LARP6: variants seen among roughly 807,000 people sequenced by gnomAD.
LARP6 encodes La ribonucleoprotein 6, translational regulator.
LARP6 carries 18 observed loss-of-function variants against 32.8 expected under a neutral mutation model. The ratio of observed to expected loss-of-function variants is 0.55; its 90% confidence interval spans 0.38 to 0.81. LARP6 has a LOEUF of 0.81. LARP6 is among the 40% of genes least tolerant of loss of function. The pLI, the probability that LARP6 is intolerant of heterozygous loss-of-function variation, is 0.00. For missense variants in LARP6, 598 were observed against 663.1 expected (o/e 0.90, Z 1.08); for synonymous variants, 289 against 267.2 (o/e 1.08, Z -0.80).
intron 1 of LARP6, chr15:70,852,331 T>C (rs1173218129): frequency 8.8e-6 from 4 of 454,504 alleles, no homozygotes; most frequent in African/African-American, 8.0e-5. Context: ...AGCTGGGCAG[T>C]TCTGGAGGAA....
chr15:70,832,241 G>A lies in LARP6; in HGVS notation c.1287C>T (p.Gly429=), dbSNP rs1475674366. 1 of 1,614,056 alleles carries A rather than the reference G, an allele frequency of 6.2e-7. No homozygotes were observed. Among genetic ancestry groups the A allele is most frequent in the Non-Finnish European group, 8.5e-7 (1 of 1,180,028 alleles). ...GGCGACGCCTCCGGACCCAGGGGCT[G>A]CCAGAGGGAGTGACGCTGCTGTCAG... ...YSSDSSVTPS[G]SPWVRRRRQA... is the part of the protein sequence containing the mutation. Residue 429 remains glycine (G), a synonymous_variant, in exon 3 of 3, where the codon GGC becomes GGT. Coordinates refer to ENST00000299213, the MANE Select transcript of LARP6 (RefSeq NM_018357.4).
At chr15:70,833,215 C>G (rs889697500) in intron 2 of LARP6, 99 bp from the exon 3 acceptor site, 64 of 920,172 alleles carry the variant, frequency 7.0e-5, no homozygotes, top group Middle Eastern at 2.5e-4. Flanking sequence ...CCCTGTAACA[C>G]TAGAATCCCT....
intron 2 of LARP6, among the ~76,000 whole-genome samples, chr15:70,835,863 T>C (rs1310365843): frequency 6.6e-6 from 1 of 152,224 alleles, no homozygotes; most frequent in Non-Finnish European, 1.5e-5. Context: ...GGCTCATTTC[T>C]GAGAGTTCTG....
chr15:70,836,171 G>T, intron 2 of LARP6, 124 bp downstream of exon 2: 1 of 741,948 alleles, frequency 1.3e-6, no homozygotes, highest in Admixed American at 2.6e-5. Context: ...CTCTTTTTCA[G>T]GCACAGACTT....
At position 70,829,318 on chromosome 15, in the gene LARP6, T is replaced by A. The variant is rs2031999361; in HGVS notation, c.*2734A>T. 6.6e-6 allele frequency: 1 copy of A among 152,136 alleles called. No homozygotes were observed. The highest frequency in any genetic ancestry group is 2.1e-4 in the South Asian group (1 of 4,836). The allele number at this position is 152,136 out of a possible 1,614,324, so 9.4% of individuals were successfully genotyped here. A position where few individuals can be genotyped will look rare whatever the true frequency, so the allele number is the denominator to read the frequency against. On this transcript the variant is annotated 3_prime_UTR_variant, in exon 3 of 3. Coordinates refer to ENST00000299213, the MANE Select transcript of LARP6 (RefSeq NM_018357.4). Reference sequence around the variant, plus strand: ...CATGCCCGGCTAATTTTTTTGTATTTTTAGTAGAGACAGGGTTTTACCACA... The same window carrying A: ...CATGCCCGGCTAATTTTTTTGTATTATTAGTAGAGACAGGGTTTTACCACA...
intron 1 of LARP6, among the ~76,000 whole-genome samples, chr15:70,838,425 T>C (rs1029922285): frequency 1.3e-5 from 2 of 152,224 alleles, no homozygotes; most frequent in African/African-American, 4.8e-5. Flanking sequence ...GAGGCAGATC[T>C]AGGATTTAAA....
At chr15:70,840,148 T>C (rs1307572801) in intron 1 of LARP6, among the ~76,000 whole-genome samples, 1 of 152,110 alleles carries the variant, frequency 6.6e-6, no homozygotes, top group Non-Finnish European at 1.5e-5. Context: ...AGGGAAAACA[T>C]CAGTGGGACA....
At chr15:70,842,816 A>G (rs988841009) in intron 1 of LARP6, among the ~76,000 whole-genome samples, 4 of 152,154 alleles carry the variant, frequency 2.6e-5, no homozygotes, top group South Asian at 2.1e-4. Context: ...ATAAACCCCT[A>G]TACGAGTGCA....
chr15:70,851,321 T>G lies in LARP6; in HGVS notation c.200+2568A>C, dbSNP rs745866785. The G allele has an allele frequency of 9.3e-6, 4 of 428,470 alleles. No individual in the cohort carries two copies. In the East Asian group the frequency reaches 3.0e-4, roughly 32 times the overall value. The allele number at this position is 428,470 out of a possible 1,614,324, so 26.5% of individuals were successfully genotyped here. ...GGGTATATGAATGCTCATAGTACTA[T>G]TTTTTCATATTTTCTTTATGTTTGA... On this transcript the variant is annotated intron_variant, in intron 1 of 2. Transcript: ENST00000299213.
rs1282346810 is a variant in LARP6, at chr15:70,841,975, CT to C, written c.201-5471del. On this transcript the variant is annotated intron_variant, in intron 1 of 2. Transcript: ENST00000299213. ...CACCTTCTTCTTGATACTCTCCCCC[CT>C]GGGCTTATGTGACTTACTCTTTTCT... is the stretch of plus-strand genomic sequence containing the variant. Among the ~76,000 whole-genome samples the C allele has an allele frequency of 3.5e-4, 54 of 152,178 alleles. 2 individuals carry two copies. Among genetic ancestry groups the C allele is most frequent in the Admixed American group, 3.5e-3 (53 of 15,278 alleles).
intron 1 of LARP6, among the ~76,000 whole-genome samples, chr15:70,842,726 C>T (rs2032279583): frequency 6.6e-6 from 1 of 152,128 alleles, no homozygotes; most frequent in South Asian, 2.1e-4. Flanking sequence ...GGTGACTCTG[C>T]ATCAATTATT....
At chr15:70,839,214 G>A (rs984979132) in intron 1 of LARP6, among the ~76,000 whole-genome samples, 5 of 152,062 alleles carry the variant, frequency 3.3e-5, no homozygotes, top group African/African-American at 7.2e-5. Context: ...TGAGGTGGGC[G>A]GACGACTTGA....
chr15:70,844,220 G>A (rs1362384238), intron 1 of LARP6, among the ~76,000 whole-genome samples: 1 of 152,198 alleles, frequency 6.6e-6, no homozygotes, highest in African/African-American at 2.4e-5. Flanking sequence ...GCCTCCCAAT[G>A]TGCTGGGATT....
In LARP6 at chr15:70,832,421, G is replaced by A. The variant is rs1191197042; in HGVS notation, c.1107C>T (p.Leu369=). 1 of 1,589,868 alleles carries A rather than the reference G, an allele frequency of 6.3e-7. No homozygotes were observed. Among genetic ancestry groups the A allele is most frequent in the South Asian group, 1.2e-5 (1 of 86,792 alleles). ...ACGGGGAGGCATTTGGACTCAGAAA[G>A]AGATTCTGGTGGCCAGACGGGCTGA... ...NKLSPSGHQN[L]FLSPNASPCT... is the part of the protein sequence containing the mutation. The change falls in exon 3 of 3, where the codon CTC becomes CTT. Residue 369 remains leucine, a synonymous_variant. Transcript: ENST00000299213.
In LARP6 at chr15:70,833,081, T is replaced by C. The variant is rs144984347; in HGVS notation, c.447A>G (p.Ala149=). Residue 149 remains alanine (A), a synonymous_variant, in exon 3 of 3, where the codon GCA becomes GCG. Coordinates refer to ENST00000299213, the MANE Select transcript of LARP6 (RefSeq NM_018357.4). The stretch of plus-strand genomic sequence containing the variant: ...GGACCACTGAATACTTCAAAGCATG[T>C]GCTGTGGTTCTCCAGTCCCGTGTAA... ...KHLTRDWRTT[A]HALKYSVVLE... 8.4e-5 allele frequency: 136 copies of C among 1,614,126 alleles called. No homozygotes were observed. The African/African-American group carries it at 1.7e-3, about 21-fold the overall frequency.
intron 1 of LARP6, among the ~76,000 whole-genome samples, chr15:70,841,075 G>A (rs531426569): frequency 5.3e-5 from 8 of 151,982 alleles, no homozygotes; most frequent in African/African-American, 1.2e-4. Flanking sequence ...CACCGCGCCC[G>A]GCTAATTTTT....
intron 1 of LARP6, among the ~76,000 whole-genome samples, chr15:70,839,248 G>A (rs923420243): frequency 3.3e-5 from 5 of 152,032 alleles, no homozygotes; most frequent in African/African-American, 1.2e-4. Flanking sequence ...AGACCAGCCT[G>A]GCCAACATGG....
intron 1 of LARP6, among the ~76,000 whole-genome samples, chr15:70,837,930 G>A (rs557236559): frequency 6.6e-6 from 1 of 152,264 alleles, no homozygotes; most frequent in South Asian, 2.1e-4. Flanking sequence ...GTGCATATAC[G>A]TAATGAGATA....
At chr15:70,846,539 G>A (rs550799740) in intron 1 of LARP6, among the ~76,000 whole-genome samples, 85 of 152,138 alleles carry the variant, frequency 5.6e-4, no homozygotes, top group African/African-American at 2.0e-3. Flanking sequence ...AGCCCAGGAG[G>A]TCGAGGCTAC....
Sources: allele counts gnomAD v4.1 joint callset (sites outside exome capture counted in the v4.1 genomes callset), GRCh38; gene constraint gnomAD v4.1.1; transcripts MANE v1.5; gene names NCBI Gene and HGNC (gene_info 2026-07-23, HGNC 2026-07-21).